The following SMAD6 variants were observed in gnomAD, a reference collection of about 807,000 sequenced individuals.
The protein encoded by SMAD6 is SMAD family member 6, also known as MAD homolog 6.
A neutral mutation model predicts 39.4 loss-of-function variants in SMAD6; 103 were observed. The observed-to-expected ratio is 2.62, with a 90% CI of 2.23 to 3.08. The LOEUF is 3.08. Ranked by LOEUF, SMAD6 falls within the 30% of genes most tolerant of loss-of-function variation. The probability of loss-of-function intolerance (pLI) is 0.00; values close to 1 mark genes in which losing one functional copy is unlikely to be tolerated. For synonymous variants in SMAD6, 445 were observed against 353.3 expected, an observed-to-expected ratio of 1.26 and a Z score of -2.91; for missense variants, 1,104 against 742.9, an observed-to-expected ratio of 1.49 and a Z score of -5.65.
intron 3 of SMAD6, among the ~76,000 whole-genome samples, chr15:66,771,476 T>C (rs535149411): frequency 6.6e-6 from 1 of 152,248 alleles, no homozygotes; most frequent in East Asian, 1.9e-4. Context: ...GAAAGGCCTT[T>C]CTGCAGAGAA....
At chr15:66,750,608 A>G (rs1893986843) in intron 3 of SMAD6, among the ~76,000 whole-genome samples, 1 of 128,122 alleles carries the variant, frequency 7.8e-6, no homozygotes, top group African/African-American at 2.8e-5. Context: ...CCAAAAATTC[A>G]AGTGCCCGGT....
rs551936830 is a variant in SMAD6, at chr15:66,762,323, G to C, written c.953-18674G>C. Among the ~76,000 whole-genome samples the C allele has an allele frequency of 2.1e-3, 323 of 152,284 alleles. 1 individual carries two copies. Among genetic ancestry groups the C allele is most frequent in the African/African-American group, 7.5e-3 (313 of 41,540 alleles). ...GGGTGCATCCTTGCACACAGTAGGC[G>C]CTTAGCAAGCGGGTGAGAGGGGCCC... On this transcript the variant is annotated intron_variant, in intron 3 of 3. Coordinates refer to ENST00000288840, the MANE Select transcript of SMAD6 (RefSeq NM_005585.5).
chr15:66,758,687 C>T (rs939403218), intron 3 of SMAD6, among the ~76,000 whole-genome samples: 3 of 151,354 alleles, frequency 2.0e-5, no homozygotes, highest in East Asian at 1.9e-4. Flanking sequence ...GAGATCGTGC[C>T]GTTGCATTCC....
chr15:66,744,724 T>C (rs967964234), intron 3 of SMAD6, among the ~76,000 whole-genome samples: 1 of 151,990 alleles, frequency 6.6e-6, no homozygotes, highest in African/African-American at 2.4e-5. Flanking sequence ...TCCAAGAACG[T>C]TGGTAGAGTG....
intron 3 of SMAD6, among the ~76,000 whole-genome samples, chr15:66,759,218 T>C (rs1304568044): frequency 6.6e-6 from 1 of 152,226 alleles, no homozygotes; most frequent in African/African-American, 2.4e-5. Flanking sequence ...CCTGACAACA[T>C]GTCTTTGAAA....
intron 3 of SMAD6, among the ~76,000 whole-genome samples, chr15:66,722,426 C>A (rs1394293508): frequency 6.6e-6 from 1 of 152,226 alleles, no homozygotes; most frequent in East Asian, 1.9e-4. Context: ...AGACTTGAAC[C>A]TAGCCCGGTC....
At chr15:66,722,992 A>C (rs1893460955) in intron 3 of SMAD6, among the ~76,000 whole-genome samples, 1 of 152,086 alleles carries the variant, frequency 6.6e-6, no homozygotes, top group African/African-American at 2.4e-5. Flanking sequence ...TATTGGGTCC[A>C]CTGGGTCACT....
chr15:66,703,607 C>T lies in SMAD6; in HGVS notation c.349C>T (p.Pro117Ser). ...VAEPGGPGWLPESDCETVTCC... is the reference protein window; with the variant it reads ...VAEPGGPGWLSESDCETVTCC... Reference sequence around the variant, plus strand: ...GGAGCCGGGAGGCCCGGGCTGGCTGCCCGAGAGTGACTGCGAGACGGTGAC... The same window carrying T: ...GGAGCCGGGAGGCCCGGGCTGGCTGTCCGAGAGTGACTGCGAGACGGTGAC... The change falls in exon 1 of 4, where the codon CCC becomes TCC. Residue 117 changes from proline (P) to serine (S), a missense_variant. Pro to Ser is a moderately conservative substitution (Grantham distance 74, BLOSUM62 -1). Transcript: ENST00000288840. 2 of 1,230,856 alleles carry T rather than the reference C, an allele frequency of 1.6e-6. No individual in the cohort carries two copies. Among genetic ancestry groups the T allele is most frequent in the Non-Finnish European group, 2.0e-6 (2 of 984,438 alleles). 76.2% of individuals were successfully genotyped at this position (1,230,856 alleles called of 1,614,324 possible). A position where few individuals can be genotyped will look rare whatever the true frequency, so the allele number is the denominator to read the frequency against.
intron 3 of SMAD6, among the ~76,000 whole-genome samples, chr15:66,754,749 T>C (rs1307068400): frequency 6.6e-6 from 1 of 152,192 alleles, no homozygotes; most frequent in Non-Finnish European, 1.5e-5. Context: ...ATGGATTCAC[T>C]GCAGCTCAGA....
Position 66,703,831 on chromosome 15 carries a change from G to C in SMAD6, c.573G>C (p.Leu191=), listed in dbSNP as rs778199794. The C allele has an allele frequency of 5.0e-5, 70 of 1,406,620 alleles. No individual in the cohort carries two copies. The highest frequency in any genetic ancestry group is 9.9e-5 in the East Asian group (3 of 30,354). 87.1% of individuals were successfully genotyped at this position (1,406,620 alleles called of 1,614,324 possible). A position where few individuals can be genotyped will look rare whatever the true frequency, so the allele number is the denominator to read the frequency against. ...KRLKERSLDT[L]LEAVESRGGV... is the part of the protein sequence containing the mutation. Reference sequence around the variant, plus strand: ...TCAAGGAGCGCTCGCTGGACACGCTGCTGGAGGCGGTGGAGTCCCGCGGCG... The same window carrying C: ...TCAAGGAGCGCTCGCTGGACACGCTCCTGGAGGCGGTGGAGTCCCGCGGCG... Residue 191 remains leucine, a synonymous_variant, in exon 1 of 4, where the codon CTG becomes CTC. Coordinates refer to ENST00000288840, the MANE Select transcript of SMAD6 (RefSeq NM_005585.5).
Position 66,703,520 on chromosome 15 carries a change from G to A in SMAD6, c.262G>A (p.Gly88Ser), listed in dbSNP as rs887913905. ...CGCGGGGAGGCGCCGGCGCGCAGGG[G>A]GCCCCCCGAGGCCCATGTCGGAGCC... ...QGAGRRRRAGGPPRPMSEPGA... is the reference protein window; with the variant it reads ...QGAGRRRRAGSPPRPMSEPGA... The change falls in exon 1 of 4, where the codon GGC (glycine) becomes AGC (serine). Residue 88 changes from glycine (G) to serine (S), a missense_variant. By Grantham distance (56) the Gly-to-Ser change is moderately conservative. Coordinates refer to ENST00000288840, the MANE Select transcript of SMAD6 (RefSeq NM_005585.5). 1.6e-6 allele frequency: 2 copies of A among 1,221,260 alleles called. No homozygotes were observed. The highest frequency in any genetic ancestry group is 2.0e-6 in the Non-Finnish European group (2 of 978,866). 75.7% of individuals were successfully genotyped at this position (1,221,260 alleles called of 1,614,324 possible). A position where few individuals can be genotyped will look rare whatever the true frequency, so the allele number is the denominator to read the frequency against.
At position 66,703,429 on chromosome 15, in the gene SMAD6, C is replaced by T. The variant is rs753456441; in HGVS notation, c.171C>T (p.Arg57=). The change falls in exon 1 of 4, where the codon CGC becomes CGT. Residue 57 remains arginine (R), a synonymous_variant. Coordinates refer to ENST00000288840, the MANE Select transcript of SMAD6 (RefSeq NM_005585.5). ...CAAGAGAGGGCGGAGGCTGCGGCCG[C>T]TCCGAAGTCCGCCCGGTAGCCCCGC... ...PRAREGGGCG[R]SEVRPVAPRR... 6 of 1,295,404 alleles carry T rather than the reference C, an allele frequency of 4.6e-6. No homozygotes were observed. In the South Asian group the frequency reaches 8.0e-5, roughly 17 times the overall value. The allele number at this position is 1,295,404 out of a possible 1,614,324, so 80.2% of individuals were successfully genotyped here.
intron 3 of SMAD6, among the ~76,000 whole-genome samples, chr15:66,748,128 C>A (rs1199997222): frequency 6.6e-6 from 1 of 151,664 alleles, no homozygotes; most frequent in African/African-American, 2.4e-5. Flanking sequence ...TTACTTATGG[C>A]TATTAGTGGG....
rs1893928116 is a variant in SMAD6 at position 66,747,497 on chromosome 15, T to C, written c.952+30999T>C. On this transcript the variant is annotated intron_variant, in intron 3 of 3. Coordinates refer to ENST00000288840, the MANE Select transcript of SMAD6 (RefSeq NM_005585.5). The surrounding 1 kb of genome is among the most constrained non-coding windows in gnomAD (Gnocchi z 4.5). ...GTGTTCCCTCAGGGCGTTCAGGGGC[T>C]TCATGGTCAGGAGGCTGGGAGATGC... 6.6e-6 allele frequency among the ~76,000 whole-genome samples: 1 copy of C among 152,222 alleles called. No individual in the cohort carries two copies. The highest frequency in any genetic ancestry group is 1.5e-5 in the Non-Finnish European group (1 of 68,026).
intron 3 of SMAD6, among the ~76,000 whole-genome samples, chr15:66,761,519 A>C (rs927472933): frequency 6.6e-6 from 1 of 152,164 alleles, no homozygotes; most frequent in East Asian, 1.9e-4. Flanking sequence ...GAACAAATAA[A>C]CAGACCATTT....
intron 1 of SMAD6, among the ~76,000 whole-genome samples, chr15:66,710,128 C>T (rs1893199245): frequency 2.6e-5 from 4 of 152,094 alleles, no homozygotes; most frequent in East Asian, 1.9e-4. Flanking sequence ...ATGACTGGCT[C>T]GGGGAACATG....
intron 1 of SMAD6, chr15:66,708,711 A>G (rs756262890): frequency 2.1e-6 from 1 of 471,744 alleles, no homozygotes; most frequent in Admixed American, 2.3e-5. Context: ...TGAAATGTCC[A>G]GAATGGGCAA....
At chr15:66,772,076 A>G (rs371649867) in intron 3 of SMAD6, among the ~76,000 whole-genome samples, 1 of 151,826 alleles carries the variant, frequency 6.6e-6, no homozygotes. Context: ...TGTTTGCAGA[A>G]CCCCCACGTG....
intron 3 of SMAD6, among the ~76,000 whole-genome samples, chr15:66,723,155 C>G (rs558493268): frequency 6.6e-6 from 1 of 152,254 alleles, no homozygotes; most frequent in Admixed American, 6.5e-5. Context: ...TGGCATGGAA[C>G]AAAGTCATGA....
Sources: allele counts gnomAD v4.1 joint callset (sites outside exome capture counted in the v4.1 genomes callset), GRCh38; gene constraint gnomAD v4.1.1; non-coding constraint Gnocchi (gnomAD v3.1); transcripts MANE v1.5; gene names NCBI Gene and HGNC (gene_info 2026-07-23, HGNC 2026-07-21).